The following TOP1 variants were observed in gnomAD, a reference collection of about 807,000 sequenced individuals.
The protein encoded by TOP1 is DNA topoisomerase I, also known as DNA topoisomerase 1.
TOP1 carries 10 observed loss-of-function variants against 111.1 expected under a neutral mutation model. The ratio of observed to expected loss-of-function variants is 0.09; its 90% CI spans 0.06 to 0.15. The LOEUF is 0.15. Among genes scored for constraint, TOP1 ranks in the 10% least tolerant of loss-of-function variants. The probability of loss-of-function intolerance (pLI) is 1.00; values close to 1 mark genes in which losing one functional copy is unlikely to be tolerated. For synonymous variants in TOP1, 271 were observed against 302.9 expected (o/e 0.89, Z 1.10); for missense variants, 474 against 926.7 (o/e 0.51, Z 6.34).
chr20:41,041,576 T>A (rs1225700406), intron 2 of TOP1, among the ~76,000 whole-genome samples: 3 of 152,170 alleles, frequency 2.0e-5, no homozygotes, highest in African/African-American at 7.2e-5. Context: ...GGGAGACTTT[T>A]GAGAGCTTAA....
intron 8 of TOP1, among the ~76,000 whole-genome samples, chr20:41,090,773 G>A (rs542809519): frequency 4.6e-5 from 7 of 152,210 alleles, no homozygotes; most frequent in South Asian, 2.1e-4. Flanking sequence ...CCCAAAGTGC[G>A]GAGATTACAG....
At chr20:41,042,704 G>T (rs573965333) in intron 2 of TOP1, among the ~76,000 whole-genome samples, 1 of 152,138 alleles carries the variant, frequency 6.6e-6, no homozygotes. Flanking sequence ...TCAAAAATTC[G>T]AGTTATAACT....
At position 41,097,366 on chromosome 20, in the gene TOP1, C is replaced by T; in HGVS notation, c.852+25C>T. ...GGTACTGTAGCCCATGTGTTAATAT[C>T]CTAGTACCTTGCAAAACAATCAAGT... On this transcript the variant is annotated intron_variant, in intron 10 of 20. Coordinates refer to ENST00000361337, the MANE Select transcript of TOP1 (RefSeq NM_003286.4). The surrounding 1 kb of genome is among the most constrained non-coding windows in gnomAD (Gnocchi z 4.2). 3.8e-6 allele frequency: 6 copies of T among 1,576,042 alleles called. No individual in the cohort carries two copies. Among genetic ancestry groups the T allele is most frequent in the Non-Finnish European group, 5.1e-6 (6 of 1,165,072 alleles).
At chr20:41,073,374 G>GA (rs397692656) in intron 3 of TOP1, 53,856 of 649,288 alleles carry the variant, frequency 0.083, 180 homozygotes, top group African/African-American at 0.16. Context: ...GGAAGACAAT[G>GA]AAAAAAAAAA....
rs972409061 is a variant in TOP1 at position 41,101,710 on chromosome 20, T to C, written c.1308+357T>C. ...TGTGTTGAAGTATGGTGATTGTATA[T>C]TGGCCTCTGCAGATGTCTTCTACTT... is the stretch of plus-strand genomic sequence containing the variant. On this transcript the variant is annotated intron_variant, in intron 13 of 20. Coordinates refer to ENST00000361337, the MANE Select transcript of TOP1 (RefSeq NM_003286.4). This position sits in a 1 kb window ranked among gnomAD's most constrained non-coding sequence, Gnocchi z 4.1. Among the ~76,000 whole-genome samples the C allele has an allele frequency of 5.9e-5, 9 of 152,252 alleles. No homozygotes were observed. Among genetic ancestry groups the C allele is most frequent in the African/African-American group, 2.2e-4 (9 of 41,470 alleles).
chr20:41,042,431 T>C (rs973432301), intron 2 of TOP1, among the ~76,000 whole-genome samples: 6 of 152,206 alleles, frequency 3.9e-5, no homozygotes, highest in African/African-American at 1.4e-4. Flanking sequence ...ATGTTACTTT[T>C]TCGGATTGGG....
At chr20:41,047,240 T>C (rs1229651284) in intron 2 of TOP1, among the ~76,000 whole-genome samples, 1 of 152,240 alleles carries the variant, frequency 6.6e-6, no homozygotes, top group Non-Finnish European at 1.5e-5. Context: ...CATAACAAGA[T>C]TTCTGTCAAC....
Position 41,029,058 on chromosome 20 carries a change from C to A in TOP1, c.-10C>A, listed in dbSNP as rs1241383250. On this transcript the variant is annotated 5_prime_UTR_variant, in exon 1 of 21. Transcript: ENST00000361337. The surrounding 1 kb of genome is among the most constrained non-coding windows in gnomAD (Gnocchi z 6.1). ...CTCGCCTGCCGCCGCGCTCGTCCCT[C>A]CGGGCCGACATGAGTGGGGACCACC... 1.0e-5 allele frequency: 16 copies of A among 1,547,264 alleles called. No individual in the cohort carries two copies. The highest frequency in any genetic ancestry group is 1.9e-5 in the Admixed American group (1 of 53,362).
rs775899843 is a variant in TOP1 at position 41,058,456 on chromosome 20, C to A, written c.59-2938C>A. 3.9e-5 allele frequency among the ~76,000 whole-genome samples: 6 copies of A among 152,186 alleles called. No homozygotes were observed. The highest frequency in any genetic ancestry group is 7.3e-5 in the Non-Finnish European group (5 of 68,032). On this transcript the variant is annotated intron_variant, in intron 2 of 20. Coordinates refer to ENST00000361337, the MANE Select transcript of TOP1 (RefSeq NM_003286.4). This position sits in a 1 kb window ranked among gnomAD's most constrained non-coding sequence, Gnocchi z 4.2. ...GAAAACTTAATTTAGGCTAGAAGGT[C>A]CACTTCCAGGATGGCTCATTCACAT...
Position 41,034,204 on chromosome 20 carries a change from C to T in TOP1, c.58+4749C>T, listed in dbSNP as rs118037422. Among the ~76,000 whole-genome samples the T allele has an allele frequency of 8.5e-3, 1,291 of 152,230 alleles. 18 individuals are homozygous for T. The highest frequency in any genetic ancestry group is 0.018 in the Admixed American group (280 of 15,284). ...GACTTCCAAACTAGTCCTTAAGAGG[C>T]GAATGGGTATTGTGTTTAAAGGAAG... On this transcript the variant is annotated intron_variant, in intron 2 of 20. Transcript: ENST00000361337. This position sits in a 1 kb window ranked among gnomAD's most constrained non-coding sequence, Gnocchi z 4.0.
At chr20:41,064,998 A>G (rs188495630) in intron 3 of TOP1, among the ~76,000 whole-genome samples, 424 of 152,104 alleles carry the variant, frequency 2.8e-3, no homozygotes, top group Non-Finnish European at 4.7e-3. Context: ...TCCACCTCCC[A>G]GGTTCAAGTG....
intron 2 of TOP1, among the ~76,000 whole-genome samples, chr20:41,047,493 A>G (rs545561652): frequency 2.6e-5 from 4 of 152,362 alleles, no homozygotes; most frequent in African/African-American, 9.6e-5. Context: ...TTGCATGACA[A>G]AATCGCCTAA....
At position 41,101,365 on chromosome 20, in the gene TOP1, G is replaced by T; in HGVS notation, c.1308+12G>T. 6.2e-7 allele frequency: 1 copy of T among 1,613,234 alleles called. No individual in the cohort carries two copies. The highest frequency in any genetic ancestry group is 1.1e-5 in the South Asian group (1 of 91,038). On this transcript the variant is annotated intron_variant, in intron 13 of 20. Transcript: ENST00000361337. The surrounding 1 kb of genome is among the most constrained non-coding windows in gnomAD (Gnocchi z 4.1). ...GTTCACGAATCAAGGTAAGGGGATA[G>T]TTGAGAGCTGCACTGGTTCATGGTG... is the stretch of plus-strand genomic sequence containing the variant.
chr20:41,036,252 C>G (rs1186949407), intron 2 of TOP1, among the ~76,000 whole-genome samples: 2 of 152,256 alleles, frequency 1.3e-5, no homozygotes, highest in East Asian at 1.9e-4. Context: ...AGAACCTGCC[C>G]TTGATTATCT....
At position 41,071,306 on chromosome 20, in the gene TOP1, A is replaced by G. The variant is rs1351833128; in HGVS notation, c.156-4865A>G. 6.6e-6 allele frequency among the ~76,000 whole-genome samples: 1 copy of G among 152,118 alleles called. No homozygotes were observed. Among genetic ancestry groups the G allele is most frequent in the Non-Finnish European group, 1.5e-5 (1 of 68,024 alleles). The stretch of plus-strand genomic sequence containing the variant: ...ATAGACCAAAGGTTTTGCTGTCATC[A>G]CTTTAAAAATAGTGTAAGTTATTTT... On this transcript the variant is annotated intron_variant, in intron 3 of 20. Transcript: ENST00000361337. This position sits in a 1 kb window ranked among gnomAD's most constrained non-coding sequence, Gnocchi z 4.3.
intron 2 of TOP1, among the ~76,000 whole-genome samples, chr20:41,041,260 C>T (rs2033260399): frequency 6.6e-6 from 1 of 151,870 alleles, no homozygotes; most frequent in East Asian, 1.9e-4. Context: ...GCAGCCTGGG[C>T]AACATGTCGG....
intron 13 of TOP1, among the ~76,000 whole-genome samples, chr20:41,108,420 T>G (rs934813057): frequency 1.3e-5 from 2 of 152,186 alleles, no homozygotes; most frequent in Non-Finnish European, 2.9e-5. Context: ...TGTGTTCTTT[T>G]TATGTATCCT....
intron 2 of TOP1, among the ~76,000 whole-genome samples, chr20:41,036,274 T>G (rs2033183656): frequency 6.6e-6 from 1 of 152,186 alleles, no homozygotes; most frequent in Non-Finnish European, 1.5e-5. Context: ...CTGTTAGAGA[T>G]AGCTTGGACC....
chr20:41,117,512 G>A (rs544140374), intron 17 of TOP1, among the ~76,000 whole-genome samples: 8 of 145,254 alleles, frequency 5.5e-5, no homozygotes, highest in South Asian at 2.3e-4. Context: ...TCAGCCTCCC[G>A]AGTAGCTGGG....
Sources: gnomAD v4.1 joint callset for allele counts (sites outside exome capture counted in the v4.1 genomes callset) on GRCh38, gnomAD v4.1.1 for gene constraint, Gnocchi (gnomAD v3.1) non-coding constraint, MANE v1.5 for transcripts, NCBI Gene and HGNC (gene_info 2026-07-23, HGNC 2026-07-21) for gene names.